Variants in ATP2C1 observed in about 807,000 individuals in gnomAD.
ATP2C1 encodes calcium-transporting ATPase type 2C member 1.
ATP2C1 carries 31 observed loss-of-function variants against 120.5 expected under a neutral mutation model. The observed-to-expected ratio is 0.26, with a 90% confidence interval of 0.19 to 0.35. The LOEUF is 0.35. ATP2C1 is among the 10% of genes least tolerant of loss of function. ATP2C1 has a pLI of 1.00. For missense variants in ATP2C1, 731 were observed against 1,107.5 expected, an observed-to-expected ratio of 0.66 and a Z score of 4.83; for synonymous variants, 351 against 358.7, an observed-to-expected ratio of 0.98 and a Z score of 0.24.
intron 2 of ATP2C1, among the ~76,000 whole-genome samples, chr3:130,898,639 A>G (rs1303047969): frequency 2.0e-5 from 3 of 152,180 alleles, no homozygotes; most frequent in Non-Finnish European, 2.9e-5. Flanking sequence ...CTTGTATGCA[A>G]TAACCTTCTG....
intron 8 of ATP2C1, among the ~76,000 whole-genome samples, chr3:130,951,963 A>T (rs976871960): frequency 6.6e-6 from 1 of 152,146 alleles, no homozygotes; most frequent in African/African-American, 2.4e-5. Context: ...TTTTGCAGTT[A>T]TGTTTGCCTA....
rs72985755 is a variant in ATP2C1, at chr3:130,980,254, T to C, written c.1742-328T>C. Among the ~76,000 whole-genome samples the C allele has an allele frequency of 3.3e-3, 497 of 151,656 alleles. 2 individuals are homozygous for C. Among genetic ancestry groups the C allele is most frequent in the African/African-American group, 0.011 (471 of 41,318 alleles). On this transcript the variant is annotated intron_variant, in intron 19 of 27. Coordinates refer to ENST00000510168, the MANE Select transcript of ATP2C1 (RefSeq NM_001378687.1). The stretch of plus-strand genomic sequence containing the variant: ...AGCTTAAATAGTCAAAATTCTTTTT[T>C]TTTTTTTTTCCTGTAGAGACAGGGT...
At position 130,994,787 on chromosome 3, in the gene ATP2C1, A is replaced by G. The variant is rs187370908; in HGVS notation, c.2057+689A>G. 2.1e-3 allele frequency among the ~76,000 whole-genome samples: 324 copies of G among 152,338 alleles called. 1 individual carries two copies. The highest frequency in any genetic ancestry group is 3.5e-3 in the Non-Finnish European group (241 of 68,010). Reference sequence around the variant, plus strand: ...AAACATTTGGGAGCTTAGGACTCACAGTATTTGCCAAGCTTTTGCAAGGAT... The same window carrying G: ...AAACATTTGGGAGCTTAGGACTCACGGTATTTGCCAAGCTTTTGCAAGGAT... On this transcript the variant is annotated intron_variant, in intron 22 of 27. Coordinates refer to ENST00000510168, the MANE Select transcript of ATP2C1 (RefSeq NM_001378687.1).
intron 11 of ATP2C1, among the ~76,000 whole-genome samples, chr3:130,957,718 T>C (rs1165840085): frequency 6.6e-6 from 1 of 151,996 alleles, no homozygotes; most frequent in Non-Finnish European, 1.5e-5. Context: ...TGGCTAATTT[T>C]TTTATTGTAT....
intron 2 of ATP2C1, among the ~76,000 whole-genome samples, chr3:130,895,198 A>G (rs1381749205): frequency 1.3e-5 from 2 of 152,232 alleles, no homozygotes; most frequent in Non-Finnish European, 2.9e-5. Flanking sequence ...ATTCATTTAT[A>G]AGAAAGCAAG....
At chr3:130,981,522 T>C (rs951057380) in intron 20 of ATP2C1, among the ~76,000 whole-genome samples, 1 of 152,216 alleles carries the variant, frequency 6.6e-6, no homozygotes, top group Non-Finnish European at 1.5e-5. Context: ...TTGCAGTTTG[T>C]ACACAAATTT....
intron 8 of ATP2C1, among the ~76,000 whole-genome samples, chr3:130,948,765 T>A (rs959799877): frequency 1.3e-5 from 2 of 152,228 alleles, no homozygotes; most frequent in African/African-American, 4.8e-5. Flanking sequence ...GGCACCATTT[T>A]TCCAACAGCA....
Position 130,975,403 on chromosome 3 carries a change from C to T in ATP2C1, c.1485C>T (p.Ser495=), listed in dbSNP as rs760102705. The change falls in exon 18 of 28, where the codon AGC becomes AGT. Residue 495 remains serine, a synonymous_variant. Coordinates refer to ENST00000510168, the MANE Select transcript of ATP2C1 (RefSeq NM_001378687.1). ...QVIKYCTTYQ[S]KGQTLTLTQQ... is the part of the protein sequence containing the mutation. ...TTAAGTACTGTACTACATACCAGAGCAAAGGGCAGACCTTGACACTTACTC... is the reference window on the plus strand; with the variant it reads ...TTAAGTACTGTACTACATACCAGAGTAAAGGGCAGACCTTGACACTTACTC... The T allele has an allele frequency of 1.9e-6, 3 of 1,613,698 alleles. No homozygotes were observed. The Admixed American group carries it at 5.0e-5, about 27-fold the overall frequency.
At chr3:131,013,596 C>T (rs927538) in intron 26 of ATP2C1, among the ~76,000 whole-genome samples, 29 of 152,340 alleles carry the variant, frequency 1.9e-4, no homozygotes, top group African/African-American at 6.5e-4. Context: ...TAAGTACTTA[C>T]TTTTAGTAGA....
rs1312941335 is a variant in ATP2C1, at chr3:130,949,220, G to A, written c.532-4601G>A. 2.0e-5 allele frequency among the ~76,000 whole-genome samples: 3 copies of A among 152,120 alleles called. No homozygotes were observed. In the East Asian group the frequency reaches 5.8e-4, roughly 29 times the overall value. ...TCAAACAATTAGCCAAGTTGTGAAT[G>A]CAAAGAAAAAATTCTTGAAATTAAA... is the stretch of plus-strand genomic sequence containing the variant. On this transcript the variant is annotated intron_variant, in intron 8 of 27. Coordinates refer to ENST00000510168, the MANE Select transcript of ATP2C1 (RefSeq NM_001378687.1).
At chr3:130,921,999 C>G (rs2058990149) in intron 2 of ATP2C1, among the ~76,000 whole-genome samples, 1 of 151,984 alleles carries the variant, frequency 6.6e-6, no homozygotes. Context: ...CGGAGGATTC[C>G]CTCTTTATCT....
At chr3:130,988,867 T>G (rs1031913934) in intron 20 of ATP2C1, among the ~76,000 whole-genome samples, 4 of 152,200 alleles carry the variant, frequency 2.6e-5, no homozygotes, top group Admixed American at 2.6e-4. Flanking sequence ...CACTTCAGTC[T>G]CTGATTGGTC....
intron 1 of ATP2C1, among the ~76,000 whole-genome samples, chr3:130,863,811 T>C (rs1431480213): frequency 6.6e-6 from 1 of 152,238 alleles, no homozygotes; most frequent in Admixed American, 6.5e-5. Context: ...TGCTGCCATG[T>C]AAGAAGTGCC....
chr3:131,014,055 T>C (rs749192621), intron 26 of ATP2C1: 1 of 1,556,668 alleles, frequency 6.4e-7, no homozygotes, highest in Non-Finnish European at 8.7e-7. Flanking sequence ...GCAAACTGAG[T>C]TTTATTCAAT....
chr3:130,987,560 G>C (rs1284298346), intron 20 of ATP2C1, among the ~76,000 whole-genome samples: 1 of 152,084 alleles, frequency 6.6e-6, no homozygotes, highest in African/African-American at 2.4e-5. Flanking sequence ...CAAACTCCTG[G>C]GCTCAAGTGA....
intron 26 of ATP2C1, chr3:131,015,245 A>G: frequency 1.4e-6 from 1 of 702,164 alleles, no homozygotes; most frequent in Non-Finnish European, 2.6e-6. Flanking sequence ...CAAAGTATTG[A>G]AGGCACTGGG....
At chr3:130,864,194 C>A (rs1009765809) in intron 1 of ATP2C1, among the ~76,000 whole-genome samples, 1 of 152,112 alleles carries the variant, frequency 6.6e-6, no homozygotes, top group African/African-American at 2.4e-5. Flanking sequence ...TGTTGAGAAC[C>A]GGAGTGAAGG....
intron 1 of ATP2C1, among the ~76,000 whole-genome samples, chr3:130,857,121 G>A (rs182261355): frequency 6.4e-4 from 98 of 152,252 alleles, no homozygotes; most frequent in Admixed American, 2.3e-3. Context: ...CATTAAAAGT[G>A]GAACTATTTT....
At position 130,930,502 on chromosome 3, in the gene ATP2C1, C is replaced by A; in HGVS notation, c.93C>A (p.Val31=). 1.2e-6 allele frequency: 2 copies of A among 1,611,546 alleles called. No homozygotes were observed. Among genetic ancestry groups the A allele is most frequent in the South Asian group, 1.1e-5 (1 of 90,982 alleles). ...LTSKKASELP[V]SEVASILQAD... Reference sequence around the variant, plus strand: ...CAAAAAAAGCAAGTGAATTACCAGTCAGTGAAGTTGCAAGCATTCTCCAAG... The same window carrying A: ...CAAAAAAAGCAAGTGAATTACCAGTAAGTGAAGTTGCAAGCATTCTCCAAG... Residue 31 remains valine (V), a synonymous_variant, in exon 3 of 28, where the codon GTC becomes GTA. Transcript: ENST00000510168.
Sources: allele counts gnomAD v4.1 joint callset (sites outside exome capture counted in the v4.1 genomes callset), GRCh38; gene constraint gnomAD v4.1.1; transcripts MANE v1.5; gene names NCBI Gene and HGNC (gene_info 2026-07-23, HGNC 2026-07-21).